SLC14A2: variants seen among roughly 807,000 people sequenced by gnomAD.
The protein encoded by SLC14A2 is urea transporter 2.
Under a neutral mutation model 104.6 loss-of-function variants are expected in SLC14A2, and 91 were observed. The observed-to-expected ratio is 0.87, with a 90% CI of 0.73 to 1.04. SLC14A2 has a LOEUF of 1.04. Ranked by LOEUF, SLC14A2 falls within the 50% of genes least tolerant of loss-of-function variation. The probability of loss-of-function intolerance (pLI) is 0.00; values close to 1 mark genes in which losing one functional copy is unlikely to be tolerated. For missense variants in SLC14A2, 1,189 were observed against 1,156.0 expected (o/e 1.03, Z -0.41); for synonymous variants, 476 against 466.4 (o/e 1.02, Z -0.27).
At chr18:45,628,368 C>T (rs1046993173) in intron 4 of SLC14A2, among the ~76,000 whole-genome samples, 7 of 151,200 alleles carry the variant, frequency 4.6e-5, no homozygotes, top group Admixed American at 1.3e-4. Flanking sequence ...TGCTTGAACC[C>T]GGGAGGCGGA....
At chr18:45,313,506 T>C (rs2085099372) in intron 1 of SLC14A2, among the ~76,000 whole-genome samples, 1 of 152,208 alleles carries the variant, frequency 6.6e-6, no homozygotes, top group Non-Finnish European at 1.5e-5. Flanking sequence ...AGCAAAATTA[T>C]ATAGACCTAA....
intron 1 of SLC14A2, among the ~76,000 whole-genome samples, chr18:45,474,567 T>A (rs1273904210): frequency 1.3e-5 from 2 of 152,354 alleles, no homozygotes; most frequent in South Asian, 2.1e-4. Context: ...TTGTTGTTGG[T>A]CTATTCAGGG....
chr18:45,480,363 G>A (rs764239868), intron 1 of SLC14A2, among the ~76,000 whole-genome samples: 1 of 151,930 alleles, frequency 6.6e-6, no homozygotes, highest in Non-Finnish European at 1.5e-5. Context: ...CTCATGCCCT[G>A]TACTCTGTAC....
intron 1 of SLC14A2, among the ~76,000 whole-genome samples, chr18:45,214,185 T>C (rs188683703): frequency 2.6e-4 from 39 of 152,310 alleles, no homozygotes; most frequent in African/African-American, 9.4e-4. Flanking sequence ...TTACTCTTTG[T>C]GTGTATGTAA....
intron 2 of SLC14A2, among the ~76,000 whole-genome samples, chr18:45,555,806 C>A (rs1336322510): frequency 6.6e-6 from 1 of 152,148 alleles, no homozygotes; most frequent in Non-Finnish European, 1.5e-5. Context: ...ATTAAAGAAA[C>A]AGCAAGGAAA....
intron 1 of SLC14A2, among the ~76,000 whole-genome samples, chr18:45,409,420 G>A (rs573451626): frequency 2.0e-5 from 3 of 152,122 alleles, no homozygotes; most frequent in Non-Finnish European, 2.9e-5. Context: ...TCTGCCTACC[G>A]TAATCTTCAT....
chr18:45,257,068 G>A (rs2084486798), intron 1 of SLC14A2, among the ~76,000 whole-genome samples: 1 of 152,176 alleles, frequency 6.6e-6, no homozygotes, highest in African/African-American at 2.4e-5. Flanking sequence ...GTCACATCCT[G>A]CTACCCTTAC....
At position 45,633,525 on chromosome 18, in the gene SLC14A2, C is replaced by T. The variant is rs117153186; in HGVS notation, c.650+1047C>T. On this transcript the variant is annotated intron_variant, in intron 5 of 19. Coordinates refer to ENST00000255226, the MANE Select transcript of SLC14A2 (RefSeq NM_007163.4). ...GCCATTCACACAATGATTCTTAGTTCACGTAAATTTACAGCAGGTCTATCA... is the reference window on the plus strand; with the variant it reads ...GCCATTCACACAATGATTCTTAGTTTACGTAAATTTACAGCAGGTCTATCA... Among the ~76,000 whole-genome samples, 560 of 152,312 alleles carry T rather than the reference C, an allele frequency of 3.7e-3. 4 individuals carry two copies. The highest frequency in any genetic ancestry group is 5.4e-3 in the Admixed American group (83 of 15,304).
At position 45,627,138 on chromosome 18, in the gene SLC14A2, G is replaced by A; in HGVS notation, c.512G>A (p.Gly171Asp). 1.2e-6 allele frequency: 2 copies of A among 1,614,044 alleles called. No homozygotes were observed. The highest frequency in any genetic ancestry group is 1.1e-5 in the South Asian group (1 of 91,062). ...VVSTLTALAL[G>D]QDRSAIASGL... ...TCGACCTTAACAGCTCTCGCCTTGG[G>A]CCAAGACAGGTGGGTCCCTCTCTAT... Residue 171 changes from glycine (G) to aspartate (D), a missense_variant, in exon 4 of 20, where the codon GGC becomes GAC. Physicochemically the swap from Gly to Asp is moderately conservative, Grantham distance 94. Transcript: ENST00000255226.
chr18:45,313,488 A>G (rs2085099247), intron 1 of SLC14A2, among the ~76,000 whole-genome samples: 1 of 152,202 alleles, frequency 6.6e-6, no homozygotes, highest in Admixed American at 6.5e-5. Context: ...CATTCAGTCT[A>G]TATAATGAGC....
intron 1 of SLC14A2, among the ~76,000 whole-genome samples, chr18:45,372,754 G>C (rs1392468436): frequency 6.6e-6 from 1 of 152,072 alleles, no homozygotes; most frequent in African/African-American, 2.4e-5. Context: ...TATCTAATAG[G>C]AATATAATGC....
intron 1 of SLC14A2, among the ~76,000 whole-genome samples, chr18:45,415,728 TA>T (rs1448319923): frequency 6.6e-6 from 1 of 152,154 alleles, no homozygotes; most frequent in Non-Finnish European, 1.5e-5. Flanking sequence ...CCCTTATTTC[TA>T]ATGGGGCTGA....
At chr18:45,475,845 C>G (rs532590803) in intron 1 of SLC14A2, among the ~76,000 whole-genome samples, 2 of 151,664 alleles carry the variant, frequency 1.3e-5, no homozygotes, top group African/African-American at 4.8e-5. Flanking sequence ...AATCTTCCTC[C>G]ATCCCTTTAT....
chr18:45,291,276 C>T (rs2084866652), intron 1 of SLC14A2, among the ~76,000 whole-genome samples: 1 of 151,998 alleles, frequency 6.6e-6, no homozygotes, highest in African/African-American at 2.4e-5. Flanking sequence ...GACTACTTCT[C>T]AGAGCGAGTA....
At chr18:45,448,152 T>C (rs2086800850) in intron 1 of SLC14A2, among the ~76,000 whole-genome samples, 1 of 152,242 alleles carries the variant, frequency 6.6e-6, no homozygotes. Context: ...GTGCCTTGGC[T>C]TTTTATTTTT....
intron 2 of SLC14A2, among the ~76,000 whole-genome samples, chr18:45,543,035 G>A (rs117874202): frequency 0.09 from 13,614 of 151,842 alleles, 755 homozygotes; most frequent in Non-Finnish European, 0.12. Context: ...TGTAACCTCC[G>A]CTTCCCGGGT....
chr18:45,454,550 T>C (rs1211155400), intron 1 of SLC14A2, among the ~76,000 whole-genome samples: 1 of 152,212 alleles, frequency 6.6e-6, no homozygotes, highest in Admixed American at 6.5e-5. Flanking sequence ...CCCATTGCTT[T>C]TGGTATTTTA....
chr18:45,639,924 C>G, intron 7 of SLC14A2, 31 bp downstream of exon 7: 1 of 1,595,148 alleles, frequency 6.3e-7, no homozygotes, highest in Non-Finnish European at 8.5e-7. Context: ...TTCAGGTCCT[C>G]AGGATAATTC....
intron 1 of SLC14A2, among the ~76,000 whole-genome samples, chr18:45,428,582 C>T (rs1312920746): frequency 6.6e-6 from 1 of 152,026 alleles, no homozygotes; most frequent in Non-Finnish European, 1.5e-5. Context: ...TCATGGGCAC[C>T]CCCAGGGCAC....
Sources: gnomAD v4.1 joint callset for allele counts (sites outside exome capture counted in the v4.1 genomes callset) on GRCh38, gnomAD v4.1.1 for gene constraint, MANE v1.5 for transcripts, NCBI Gene and HGNC (gene_info 2026-07-23, HGNC 2026-07-21) for gene names.